Variants in KIF3C observed in about 807,000 individuals in gnomAD.
KIF3C encodes kinesin-like protein KIF3C.
In KIF3C, 12 loss-of-function variants were observed where a neutral mutation model predicts 67.7. The observed-to-expected ratio is 0.18, with a 90% CI of 0.11 to 0.29. The LOEUF (loss-of-function observed/expected upper bound fraction) is 0.29, where lower values mean the gene tolerates loss of function less well. KIF3C is among the 10% of genes least tolerant of loss of function. The pLI is 1.00. For synonymous variants in KIF3C, 393 were observed against 426.2 expected (o/e 0.92, Z 0.96); for missense variants, 789 against 1,059.6 (o/e 0.74, Z 3.55).
At chr2:25,966,625 G>A (rs1664146960) in intron 1 of KIF3C, among the ~76,000 whole-genome samples, 1 of 152,192 alleles carries the variant, frequency 6.6e-6, no homozygotes, top group South Asian at 2.1e-4. Flanking sequence ...GGAGAAAGGA[G>A]GCCCCAGTAC....
At chr2:25,953,790 C>T (rs1273778021) in intron 4 of KIF3C, among the ~76,000 whole-genome samples, 5 of 151,784 alleles carry the variant, frequency 3.3e-5, no homozygotes, top group Non-Finnish European at 7.4e-5. Flanking sequence ...GCCTCAGCCT[C>T]CTGAGTAGCT....
In KIF3C at chr2:25,955,541, C is replaced by T. The variant is rs969546777; in HGVS notation, c.1770G>A (p.Lys590=). Residue 590 remains lysine, a splice_region_variant and synonymous_variant, in exon 3 of 8, where the codon AAG becomes AAA. Transcript: ENST00000264712. This position sits in a 1 kb window ranked among gnomAD's most constrained non-coding sequence, Gnocchi z 5.0. ...EVEVKTKKLK[K]LYAKLQAVKA... ...AACCGGTCCTGCTGCAGCGTCTCAC[C>T]TTCTTGAGTTTCTTGGTTTTGACCT... The T allele has an allele frequency of 6.2e-7, 1 of 1,614,044 alleles. No individual in the cohort carries two copies.
rs1334362772 is a variant in KIF3C at position 25,954,320 on chromosome 2, C to A, written c.1836G>T (p.Val612=). ...TCTGCGCCTCCTCCAGGTCCTGCCG[C>A]ACGCGGATATACTCATCATGCTGGT... The part of the protein sequence containing the change: ...IQDQHDEYIR[V]RQDLEEAQNE... Residue 612 remains valine, a synonymous_variant, in exon 4 of 8, where the codon GTG becomes GTT. Coordinates refer to ENST00000264712, the MANE Select transcript of KIF3C (RefSeq NM_002254.8). 1 of 1,614,010 alleles carries A rather than the reference C, an allele frequency of 6.2e-7. No homozygotes were observed. The highest frequency in any genetic ancestry group is 1.1e-5 in the South Asian group (1 of 91,088).
chr2:25,967,213 G>A (rs899566109), intron 1 of KIF3C, among the ~76,000 whole-genome samples: 33 of 152,166 alleles, frequency 2.2e-4, no homozygotes, highest in African/African-American at 8.0e-4. Flanking sequence ...TCTTATGGGG[G>A]TCTCTGAGAT....
intron 5 of KIF3C, among the ~76,000 whole-genome samples, chr2:25,945,291 GGAAAA>G (rs1360680122): frequency 6.6e-6 from 1 of 152,084 alleles, no homozygotes; most frequent in African/African-American, 2.4e-5. Context: ...AAAGAATCTT[GGAAAA>G]GAAAACACTA....
At chr2:25,952,830 T>C (rs1465806974) in intron 4 of KIF3C, among the ~76,000 whole-genome samples, 1 of 151,776 alleles carries the variant, frequency 6.6e-6, no homozygotes, top group Non-Finnish European at 1.5e-5. Context: ...AGTGCTGGGA[T>C]TACAGGTATA....
At chr2:25,957,009 G>A (rs1663822075) in intron 1 of KIF3C, among the ~76,000 whole-genome samples, 1 of 152,184 alleles carries the variant, frequency 6.6e-6, no homozygotes, top group Admixed American at 6.5e-5. Flanking sequence ...GAGAGGGCCG[G>A]GAAGACTTGG....
chr2:25,962,028 T>C (rs911846023), intron 1 of KIF3C, among the ~76,000 whole-genome samples: 1 of 151,640 alleles, frequency 6.6e-6, no homozygotes, highest in Admixed American at 6.6e-5. Context: ...CAATCAAAAC[T>C]GGGGATGAAA....
intron 1 of KIF3C, among the ~76,000 whole-genome samples, chr2:25,978,207 G>A (rs1429906777): frequency 6.6e-6 from 1 of 152,134 alleles, no homozygotes; most frequent in African/African-American, 2.4e-5. Flanking sequence ...TGGCTCTGCT[G>A]CCTATCACCC....
Position 25,982,086 on chromosome 2 carries a change from T to C in KIF3C, c.-169A>G, listed in dbSNP as rs925883391. ...CGCTGGGAGGTGGCCCCAACGCTGC[T>C]GCAGTCCGGGCCTCCACCGCTCTCC... On this transcript the variant is annotated 5_prime_UTR_variant, in exon 1 of 8. Transcript: ENST00000264712. The C allele has an allele frequency of 1.8e-6, 1 of 559,826 alleles. No homozygotes were observed. The highest frequency in any genetic ancestry group is 1.9e-5 in the African/African-American group (1 of 52,662). 34.7% of individuals were successfully genotyped at this position (559,826 alleles called of 1,614,324 possible).
At chr2:25,953,859 G>A (rs941830553) in intron 4 of KIF3C, among the ~76,000 whole-genome samples, 1 of 149,974 alleles carries the variant, frequency 6.7e-6, no homozygotes, top group African/African-American at 2.5e-5. Flanking sequence ...GTAGAGATGG[G>A]GTTTCACCAT....
chr2:25,933,536 A>C (rs2090479345), intron 5 of KIF3C, among the ~76,000 whole-genome samples: 1 of 151,820 alleles, frequency 6.6e-6, no homozygotes, highest in Non-Finnish European at 1.5e-5. Context: ...TTAGCAGGGT[A>C]TGGTAGCACA....
At chr2:25,942,887 T>C (rs1663332011) in intron 5 of KIF3C, among the ~76,000 whole-genome samples, 1 of 152,152 alleles carries the variant, frequency 6.6e-6, no homozygotes, top group Non-Finnish European at 1.5e-5. Context: ...GCCTGACAAC[T>C]CCTTGTTTGA....
At chr2:25,960,198 G>C (rs1227025280) in intron 1 of KIF3C, among the ~76,000 whole-genome samples, 1 of 152,086 alleles carries the variant, frequency 6.6e-6, no homozygotes, top group Non-Finnish European at 1.5e-5. Context: ...GAGCCCAGGG[G>C]TTCAAGATCA....
chr2:25,937,872 T>C (rs1663174488), intron 5 of KIF3C, among the ~76,000 whole-genome samples: 1 of 151,726 alleles, frequency 6.6e-6, no homozygotes, highest in Non-Finnish European at 1.5e-5. Flanking sequence ...CTGGCCAACA[T>C]GGTGAAACCC....
In KIF3C at chr2:25,982,406, G is replaced by A; in HGVS notation, c.-489C>T. The A allele has an allele frequency of 2.5e-6, 1 of 398,588 alleles. No individual in the cohort carries two copies. 24.7% of individuals were successfully genotyped at this position (398,588 alleles called of 1,614,324 possible). ...GGCTCACCTGGAGTCCTCCCCCCAA[G>A]CTGGGGGATCATTCATTGCAGCCAG... On this transcript the variant is annotated 5_prime_UTR_variant, in exon 1 of 8. Transcript: ENST00000264712.
intron 1 of KIF3C, among the ~76,000 whole-genome samples, chr2:25,963,018 ATAAT>A (rs1480774241): frequency 3.0e-5 from 1 of 33,344 alleles, no homozygotes; most frequent in Non-Finnish European, 4.2e-5. Context: ...TATAATATAT[ATAAT>A]ATATAATATA....
Position 25,930,039 on chromosome 2 carries a change from C to T in KIF3C, c.2031G>A (p.Arg677=). Residue 677 remains arginine, a synonymous_variant, in exon 6 of 8, where the codon CGG becomes CGA. Transcript: ENST00000264712. ...AGVSSSQMKK[R]PTSAVGYKRP... Reference sequence around the variant, plus strand: ...TCTTGTAGCCCACTGCAGATGTTGGCCGCTTCTTCATCTGGCTGCTACTGC... The same window carrying T: ...TCTTGTAGCCCACTGCAGATGTTGGTCGCTTCTTCATCTGGCTGCTACTGC... The T allele has an allele frequency of 1.2e-6, 2 of 1,614,062 alleles. No homozygotes were observed. Among genetic ancestry groups the T allele is most frequent in the South Asian group, 1.1e-5 (1 of 91,082 alleles).
At chr2:25,971,408 C>A (rs1293471627) in intron 1 of KIF3C, among the ~76,000 whole-genome samples, 10 of 151,640 alleles carry the variant, frequency 6.6e-5, no homozygotes, top group South Asian at 4.2e-4. Context: ...CCACTGTACT[C>A]CAGCCTGGTG....
Sources: gnomAD v4.1 joint callset for allele counts (sites outside exome capture counted in the v4.1 genomes callset) on GRCh38, gnomAD v4.1.1 for gene constraint, Gnocchi (gnomAD v3.1) non-coding constraint, MANE v1.5 for transcripts, NCBI Gene and HGNC (gene_info 2026-07-23, HGNC 2026-07-21) for gene names.